EIF4G3: variants seen among roughly 807,000 people sequenced by gnomAD.
EIF4G3 encodes eIF-4-gamma 3.
In EIF4G3, 34 loss-of-function variants were observed where a neutral mutation model predicts 186.4. The ratio of observed to expected loss-of-function variants is 0.18; its 90% CI spans 0.14 to 0.24. EIF4G3 has a LOEUF of 0.24. Ranked by LOEUF, EIF4G3 falls within the 10% of genes least tolerant of loss-of-function variation. The probability of loss-of-function intolerance (pLI) is 1.00; values close to 1 mark genes in which losing one functional copy is unlikely to be tolerated. For missense variants in EIF4G3, 1,536 were observed against 1,948.5 expected (o/e 0.79, Z 3.99); for synonymous variants, 673 against 679.5 (o/e 0.99, Z 0.15).
At chr1:21,022,271 T>C (rs2090907976) in intron 4 of EIF4G3, among the ~76,000 whole-genome samples, 1 of 152,242 alleles carries the variant, frequency 6.6e-6, no homozygotes, top group Non-Finnish European at 1.5e-5. Flanking sequence ...CACTCAATGA[T>C]GGGTGTCCAT....
chr1:21,032,495 A>G (rs902934025), intron 4 of EIF4G3, among the ~76,000 whole-genome samples: 3 of 152,082 alleles, frequency 2.0e-5, no homozygotes, highest in Non-Finnish European at 2.9e-5. Context: ...CTTCTTCCTC[A>G]TATCTACCTT....
intron 4 of EIF4G3, among the ~76,000 whole-genome samples, chr1:21,042,308 T>C (rs1245577479): frequency 6.6e-6 from 1 of 152,218 alleles, no homozygotes; most frequent in Non-Finnish European, 1.5e-5. Context: ...AGTCGTTCTA[T>C]ATATCAATTT....
intron 3 of EIF4G3, among the ~76,000 whole-genome samples, chr1:21,055,780 A>G (rs1255154506): frequency 6.6e-6 from 1 of 152,166 alleles, no homozygotes; most frequent in Non-Finnish European, 1.5e-5. Flanking sequence ...AACTAAATAC[A>G]TAAAAAATAT....
chr1:20,852,319 T>G (rs2073588640), intron 27 of EIF4G3, among the ~76,000 whole-genome samples: 1 of 152,178 alleles, frequency 6.6e-6, no homozygotes, highest in African/African-American at 2.4e-5. Context: ...TGGCAATTTC[T>G]TTTTTTAGTT....
intron 6 of EIF4G3, among the ~76,000 whole-genome samples, chr1:20,999,929 G>C (rs750868260): frequency 6.6e-6 from 1 of 152,070 alleles, no homozygotes; most frequent in African/African-American, 2.4e-5. Context: ...CTTGGATCCA[G>C]TGTTAATGCC....
intron 17 of EIF4G3, among the ~76,000 whole-genome samples, chr1:20,894,587 A>G (rs565945794): frequency 7.9e-5 from 12 of 152,360 alleles, no homozygotes; most frequent in African/African-American, 2.2e-4. Context: ...GACCTTGAAG[A>G]GTAGGATATA....
chr1:21,004,457 A>G (rs1279895919), intron 4 of EIF4G3, among the ~76,000 whole-genome samples: 2 of 152,100 alleles, frequency 1.3e-5, no homozygotes, highest in Admixed American at 1.3e-4. Flanking sequence ...AATCCTAACA[A>G]TTGCTACTGA....
At chr1:20,828,408 G>C (rs2154547532) in intron 31 of EIF4G3, among the ~76,000 whole-genome samples, 1 of 152,244 alleles carries the variant, frequency 6.6e-6, no homozygotes, top group South Asian at 2.1e-4. Flanking sequence ...GGCCAATTTT[G>C]TAACAGTCTA....
chr1:21,034,069 T>C (rs560425283), intron 4 of EIF4G3, among the ~76,000 whole-genome samples: 25 of 152,270 alleles, frequency 1.6e-4, no homozygotes, highest in African/African-American at 6.0e-4. Flanking sequence ...CACTCCAGCC[T>C]GGATGACAGA....
chr1:20,844,811 G>A (rs544007955), intron 29 of EIF4G3, among the ~76,000 whole-genome samples: 17 of 151,940 alleles, frequency 1.1e-4, no homozygotes, highest in South Asian at 2.1e-4. Flanking sequence ...CAGCCTGGGC[G>A]ACAAGAGCAA....
intron 7 of EIF4G3, among the ~76,000 whole-genome samples, chr1:20,984,308 G>A (rs978083579): frequency 6.6e-6 from 1 of 151,288 alleles, no homozygotes; most frequent in African/African-American, 2.4e-5. Context: ...TGGGACTATG[G>A]GTGCCCACCA....
At chr1:21,139,189 T>C (rs191329171) in intron 2 of EIF4G3, among the ~76,000 whole-genome samples, 14 of 152,350 alleles carry the variant, frequency 9.2e-5, no homozygotes, top group African/African-American at 3.4e-4. Context: ...CATCTTCCTC[T>C]ACTCATTTGC....
At position 21,176,240 on chromosome 1, in the gene EIF4G3, C is replaced by CGCT; in HGVS notation, c.-338_-337insAGC. 2.8e-6 allele frequency: 1 copy of CGCT among 354,964 alleles called. No homozygotes were observed. Among genetic ancestry groups the CGCT allele is most frequent in the Non-Finnish European group, 4.9e-6 (1 of 203,210 alleles). 22.0% of individuals were successfully genotyped at this position (354,964 alleles called of 1,614,324 possible). A position where few individuals can be genotyped will look rare whatever the true frequency, so the allele number is the denominator to read the frequency against. On this transcript the variant is annotated 5_prime_UTR_variant, in exon 2 of 37. Coordinates refer to ENST00000602326, the MANE Select transcript of EIF4G3 (RefSeq NM_001391906.1). ...GAGGAGGGGGGACCGCTGCCGCCGC[C>CGCT]GCCGCCGCCGCCGCCGCCGCCGCCG...
At chr1:20,874,505 A>G (rs1341680185) in intron 20 of EIF4G3, among the ~76,000 whole-genome samples, 3 of 152,110 alleles carry the variant, frequency 2.0e-5, no homozygotes, top group Non-Finnish European at 2.9e-5. Context: ...TATCTTTTCT[A>G]AAGTTTATCA....
rs12038427 is a variant in EIF4G3 at position 20,939,918 on chromosome 1, G to A, written c.1663+1573C>T. On this transcript the variant is annotated intron_variant, in intron 14 of 36. Coordinates refer to ENST00000602326, the MANE Select transcript of EIF4G3 (RefSeq NM_001391906.1). ...TGCCCAGGCTGGAGTGTGGCGGCAC[G>A]ATCTTGGCTCACTGCAACCTCTGCC... Among the ~76,000 whole-genome samples, 269 of 139,362 alleles carry A rather than the reference G, an allele frequency of 1.9e-3. 2 individuals carry two copies. The highest frequency in any genetic ancestry group is 0.019 in the Admixed American group (247 of 12,894). 91.4% of individuals were successfully genotyped at this position (139,362 alleles called of 152,430 possible). A position where few individuals can be genotyped will look rare whatever the true frequency, so the allele number is the denominator to read the frequency against.
chr1:21,007,538 C>CAAAAAAAA (rs1471121881), intron 4 of EIF4G3, among the ~76,000 whole-genome samples: 10 of 58,518 alleles, frequency 1.7e-4, no homozygotes, highest in South Asian at 1.0e-3. Context: ...AAAAAAAAAA[C>CAAAAAAAA]ACACTCAAAA....
rs968277587 is a variant in EIF4G3 at position 20,899,752 on chromosome 1, A to G, written c.1944T>C (p.Ala648=). 1 of 1,614,176 alleles carries G rather than the reference A, an allele frequency of 6.2e-7. No individual in the cohort carries two copies. Among genetic ancestry groups the G allele is most frequent in the African/African-American group, 1.3e-5 (1 of 75,064 alleles). The change falls in exon 16 of 37, where the codon GCT becomes GCC. Residue 648 remains alanine (A), a synonymous_variant. Coordinates refer to ENST00000602326, the MANE Select transcript of EIF4G3 (RefSeq NM_001391906.1). ...ESVSEGEGID[A]NSGSTDSSGD... ...CAGAACTATCTGTGGAGCCTGAATT[A>G]GCATCTATTCCTTCACCCTCAGAAA...
chr1:21,052,047 A>G (rs1351819743), intron 3 of EIF4G3, among the ~76,000 whole-genome samples: 1 of 152,208 alleles, frequency 6.6e-6, no homozygotes, highest in Non-Finnish European at 1.5e-5. Flanking sequence ...CTTAACAGAA[A>G]GCATTACAGG....
intron 30 of EIF4G3, among the ~76,000 whole-genome samples, chr1:20,835,245 A>T (rs1419229108): frequency 6.6e-6 from 1 of 152,214 alleles, no homozygotes; most frequent in African/African-American, 2.4e-5. Context: ...TAAGAGGGAA[A>T]TGTATAGCAA....
Sources: allele counts gnomAD v4.1 joint callset (sites outside exome capture counted in the v4.1 genomes callset), GRCh38; gene constraint gnomAD v4.1.1; transcripts MANE v1.5; gene names NCBI Gene and HGNC (gene_info 2026-07-23, HGNC 2026-07-21).